Variants in NETO1 observed in about 807,000 individuals in gnomAD.
NETO1 encodes neuropilin and tolloid-like protein 1.
Under a neutral mutation model 61.3 loss-of-function variants are expected in NETO1, and 26 were observed. The ratio of observed to expected loss-of-function variants is 0.42; its 90% CI spans 0.31 to 0.59. NETO1 has a LOEUF of 0.59. Ranked by LOEUF, NETO1 falls within the 20% of genes least tolerant of loss-of-function variation. The pLI, the probability that NETO1 is intolerant of heterozygous loss-of-function variation, is 0.12. For synonymous variants in NETO1, 225 were observed against 225.8 expected (o/e 1.00, Z 0.03); for missense variants, 531 against 662.8 (o/e 0.80, Z 2.18).
intron 8 of NETO1, among the ~76,000 whole-genome samples, chr18:72,751,031 C>A (rs1599082122): frequency 1.8e-5 from 2 of 114,074 alleles, no homozygotes; most frequent in African/African-American, 7.2e-5. Flanking sequence ...TCCCCATCGT[C>A]CAGCATCTCA....
chr18:72,839,911 A>T (rs1319093023), intron 4 of NETO1, among the ~76,000 whole-genome samples: 1 of 152,206 alleles, frequency 6.6e-6, no homozygotes, highest in Admixed American at 6.5e-5. Context: ...CATTGCTTCC[A>T]GTGCCTAATA....
chr18:72,783,699 G>T lies in NETO1; in HGVS notation c.847C>A (p.Leu283Ile). Residue 283 changes from leucine (L) to isoleucine (I), a missense_variant, in exon 7 of 11, where the codon CTC becomes ATC. Leu to Ile is a conservative substitution (Grantham distance 5, BLOSUM62 2). Transcript: ENST00000327305. Reference sequence around the variant, plus strand: ...TTACGTTCTTGAAAGGATGTGAAGAGCATCTGAAATCGGCTGTTTCGACTG... The same window carrying T: ...TTACGTTCTTGAAAGGATGTGAAGATCATCTGAAATCGGCTGTTTCGACTG... The part of the protein sequence containing the change: ...EGSRNSRFQM[L>I]FTSFQEPPCE... 6.2e-7 allele frequency: 1 copy of T among 1,614,120 alleles called. No homozygotes were observed. The highest frequency in any genetic ancestry group is 8.5e-7 in the Non-Finnish European group (1 of 1,179,970).
chr18:72,835,407 T>G, intron 4 of NETO1: 1 of 1,100,052 alleles, frequency 9.1e-7, no homozygotes, highest in Non-Finnish European at 1.3e-6. Flanking sequence ...AACAGCTGTT[T>G]GGGTAATACA....
chr18:72,839,204 C>G (rs1239531043), intron 4 of NETO1, among the ~76,000 whole-genome samples: 2 of 152,136 alleles, frequency 1.3e-5, no homozygotes, highest in Admixed American at 1.3e-4. Context: ...AATGAAGAAT[C>G]TGAATCCCAG....
intron 4 of NETO1, among the ~76,000 whole-genome samples, chr18:72,815,467 A>T (rs74909819): frequency 0.092 from 14,076 of 152,202 alleles, 866 homozygotes; most frequent in Middle Eastern, 0.21. Context: ...CAAAAGAAAG[A>T]CAACACAACA....
intron 6 of NETO1, among the ~76,000 whole-genome samples, chr18:72,788,299 G>A (rs2071990100): frequency 6.6e-6 from 1 of 152,126 alleles, no homozygotes; most frequent in African/African-American, 2.4e-5. Context: ...ATGATCTAGT[G>A]ATGGCAATGA....
rs973628101 is a variant in NETO1, at chr18:72,744,466, A to G, written c.*3713T>C. 22 of 152,044 alleles carry G rather than the reference A, an allele frequency of 1.4e-4. No individual in the cohort carries two copies. Among genetic ancestry groups the G allele is most frequent in the Admixed American group, 1.3e-4 (2 of 15,242 alleles). The allele number at this position is 152,044 out of a possible 1,614,324, so 9.4% of individuals were successfully genotyped here. ...CATAGAGATTGATAATTAACTCAAG[A>G]CCTGTTTATTTTGTTGTTGAATCTA... On this transcript the variant is annotated 3_prime_UTR_variant, in exon 11 of 11. Coordinates refer to ENST00000327305, the MANE Select transcript of NETO1 (RefSeq NM_138966.5).
chr18:72,795,549 T>A (rs953374825), intron 4 of NETO1, among the ~76,000 whole-genome samples: 1 of 152,206 alleles, frequency 6.6e-6, no homozygotes, highest in Non-Finnish European at 1.5e-5. Context: ...GAGTAACTTA[T>A]TCTCCATAAG....
intron 4 of NETO1, among the ~76,000 whole-genome samples, chr18:72,797,863 C>T (rs930154173): frequency 1.3e-5 from 2 of 152,166 alleles, no homozygotes; most frequent in Non-Finnish European, 1.5e-5. Flanking sequence ...TTTTGTCTCT[C>T]TGCAATAACT....
chr18:72,801,220 G>A (rs562547272), intron 4 of NETO1, among the ~76,000 whole-genome samples: 1 of 152,106 alleles, frequency 6.6e-6, no homozygotes, highest in East Asian at 1.9e-4. Flanking sequence ...TGAGTACGTG[G>A]AGTATAGACA....
intron 7 of NETO1, among the ~76,000 whole-genome samples, chr18:72,761,324 A>G (rs1357654016): frequency 1.3e-5 from 2 of 152,234 alleles, no homozygotes; most frequent in Non-Finnish European, 2.9e-5. Context: ...ACCAAGTCTA[A>G]TATGAAATAC....
chr18:72,831,519 T>C (rs528390567), intron 4 of NETO1, among the ~76,000 whole-genome samples: 91 of 152,340 alleles, frequency 6.0e-4, no homozygotes, highest in Non-Finnish European at 1.2e-3. Flanking sequence ...GCATATTCAA[T>C]GCTACCACTA....
intron 7 of NETO1, among the ~76,000 whole-genome samples, chr18:72,767,326 T>TA (rs1458358861): frequency 1.3e-5 from 2 of 152,232 alleles, no homozygotes; most frequent in Non-Finnish European, 2.9e-5. Context: ...GACACATTAA[T>TA]ATGTATTATT....
chr18:72,780,335 G>T (rs1217917518), intron 7 of NETO1, among the ~76,000 whole-genome samples: 1 of 152,172 alleles, frequency 6.6e-6, no homozygotes, highest in Non-Finnish European at 1.5e-5. Context: ...TCATTGAAAA[G>T]TCAACCCACT....
Position 72,830,057 on chromosome 18 carries a change from T to A in NETO1, c.469+28769A>T, listed in dbSNP as rs1015631871. Among the ~76,000 whole-genome samples the A allele has an allele frequency of 1.3e-5, 2 of 152,170 alleles. No individual in the cohort carries two copies. Among genetic ancestry groups the A allele is most frequent in the Non-Finnish European group, 2.9e-5 (2 of 68,034 alleles). ...TAAAGGGATTTGGGGTGGATCATAG[T>A]GTGTGTCTGTGAGATTGCCTCAATT... On this transcript the variant is annotated intron_variant, in intron 4 of 10. Transcript: ENST00000327305. This position sits in a 1 kb window ranked among gnomAD's most constrained non-coding sequence, Gnocchi z 4.9.
At chr18:72,787,442 A>G (rs1252804109) in intron 6 of NETO1, among the ~76,000 whole-genome samples, 4 of 152,136 alleles carry the variant, frequency 2.6e-5, no homozygotes, top group Non-Finnish European at 4.4e-5. Flanking sequence ...GCTAATACAA[A>G]AAAAAGCTAT....
intron 4 of NETO1, among the ~76,000 whole-genome samples, chr18:72,833,858 G>T (rs2000810): frequency 0.98 from 149,946 of 152,320 alleles, 73,812 homozygotes; most frequent in East Asian, 1. Flanking sequence ...GAAATAGCTG[G>T]TGTAGCATCC....
intron 4 of NETO1, among the ~76,000 whole-genome samples, chr18:72,832,581 T>A (rs2073617384): frequency 6.6e-6 from 1 of 152,196 alleles, no homozygotes; most frequent in Non-Finnish European, 1.5e-5. Flanking sequence ...CTCTTGAGCT[T>A]CTAGGTAACA....
chr18:72,849,580 C>A (rs2074190661), intron 4 of NETO1, among the ~76,000 whole-genome samples: 1 of 152,196 alleles, frequency 6.6e-6, no homozygotes, highest in Non-Finnish European at 1.5e-5. Flanking sequence ...CTGCCTAATT[C>A]CAAAACTATT....
Sources: allele counts gnomAD v4.1 joint callset (sites outside exome capture counted in the v4.1 genomes callset), GRCh38; gene constraint gnomAD v4.1.1; non-coding constraint Gnocchi (gnomAD v3.1); transcripts MANE v1.5; gene names NCBI Gene and HGNC (gene_info 2026-07-23, HGNC 2026-07-21).